The following CACNA1I variants were observed in gnomAD, a reference collection of about 807,000 sequenced individuals.
CACNA1I encodes the protein voltage-dependent T-type calcium channel subunit alpha-1I.
CACNA1I carries 74 observed loss-of-function variants against 201.6 expected under a neutral mutation model. The observed-to-expected ratio is 0.37, with a 90% CI of 0.30 to 0.45. CACNA1I has a LOEUF of 0.45. Among genes scored for constraint, CACNA1I ranks in the 20% least tolerant of loss-of-function variants. CACNA1I has a pLI of 1.00. For synonymous variants in CACNA1I, 1,431 were observed against 1,345.2 expected (o/e 1.06, Z -1.40); for missense variants, 2,346 against 3,138.1 (o/e 0.75, Z 6.03).
rs977487650 is a variant in CACNA1I, at chr22:39,613,591, C to T, written c.483-5719C>T. Among the ~76,000 whole-genome samples, 4 of 152,336 alleles carry T rather than the reference C, an allele frequency of 2.6e-5. No individual in the cohort carries two copies. The East Asian group carries it at 5.8e-4, about 22-fold the overall frequency. On this transcript the variant is annotated intron_variant, in intron 3 of 36. Coordinates refer to ENST00000402142, the MANE Select transcript of CACNA1I (RefSeq NM_021096.4). ...CCAAAGTCACATGGGACACAAGCAGCGAGCTGGGATTGGAACCCAGCTCTG... is the reference window on the plus strand; with the variant it reads ...CCAAAGTCACATGGGACACAAGCAGTGAGCTGGGATTGGAACCCAGCTCTG...
At chr22:39,596,895 A>G (rs1932905852) in intron 1 of CACNA1I, among the ~76,000 whole-genome samples, 1 of 152,122 alleles carries the variant, frequency 6.6e-6, no homozygotes, top group Admixed American at 6.5e-5. Flanking sequence ...TTACTGCATG[A>G]GAGCCCCTTT....
Position 39,600,071 on chromosome 22 carries a change from T to C in CACNA1I, c.349-449T>C, listed in dbSNP as rs116658024. 3.7e-3 allele frequency among the ~76,000 whole-genome samples: 564 copies of C among 152,304 alleles called. 4 individuals are homozygous for C. Among genetic ancestry groups the C allele is most frequent in the African/African-American group, 0.013 (550 of 41,544 alleles). On this transcript the variant is annotated intron_variant, in intron 2 of 36. Transcript: ENST00000402142. Reference sequence around the variant, plus strand: ...TGCCACTTATCTGCTGTGTGACCTGTGGGGCAAGTTGCTTAACCTCTCTGA... The same window carrying C: ...TGCCACTTATCTGCTGTGTGACCTGCGGGGCAAGTTGCTTAACCTCTCTGA...
At chr22:39,642,693 G>C in intron 6 of CACNA1I, 104 bp from the exon 7 acceptor site, 1 of 723,818 alleles carries the variant, frequency 1.4e-6, no homozygotes, top group South Asian at 1.6e-5. Context: ...CAGCATGTGT[G>C]ATGCGTTCTG....
chr22:39,647,025 C>A, intron 8 of CACNA1I, 144 bp downstream of exon 8: 1 of 1,305,504 alleles, frequency 7.7e-7, no homozygotes, highest in Non-Finnish European at 1.0e-6. Flanking sequence ...CCCCAGGGAC[C>A]TCTGTCCCCA....
At chr22:39,632,137 C>G (rs1414322460) in intron 4 of CACNA1I, among the ~76,000 whole-genome samples, 2 of 152,158 alleles carry the variant, frequency 1.3e-5, no homozygotes, top group Admixed American at 6.5e-5. Flanking sequence ...GCGACAAAGG[C>G]CGGCCCGAGG....
intron 31 of CACNA1I, among the ~76,000 whole-genome samples, chr22:39,678,537 C>G (rs184730514): frequency 8.8e-4 from 134 of 152,262 alleles, no homozygotes; most frequent in African/African-American, 3.2e-3. Context: ...GGTAAGGCCT[C>G]GGTTCCGGGG....
In CACNA1I at chr22:39,659,928, G is replaced by C. The variant is rs866830165; in HGVS notation, c.2604+76G>C. ...TGGGCGAGGGAGAGGTGGCCTGGATGGGGGAGGGCTGCAATTCAAACTTCT... is the reference window on the plus strand; with the variant it reads ...TGGGCGAGGGAGAGGTGGCCTGGATCGGGGAGGGCTGCAATTCAAACTTCT... On this transcript the variant is annotated intron_variant, in intron 14 of 36. Transcript: ENST00000402142. The surrounding 1 kb of genome is among the most constrained non-coding windows in gnomAD (Gnocchi z 4.3). 1.5e-5 allele frequency: 24 copies of C among 1,555,352 alleles called. 1 individual carries two copies. The highest frequency in any genetic ancestry group is 3.4e-4 in the Middle Eastern group (2 of 5,908).
In CACNA1I at chr22:39,685,767, G is replaced by A. The variant is rs1273247548; in HGVS notation, c.6034G>A (p.Gly2012Arg). The A allele has an allele frequency of 6.7e-7, 1 of 1,485,418 alleles. No homozygotes were observed. Among genetic ancestry groups the A allele is most frequent in the South Asian group, 1.3e-5 (1 of 78,854 alleles). The allele number at this position is 1,485,418 out of a possible 1,614,324, so 92.0% of individuals were successfully genotyped here. ...VNCTLLRQAT[G>R]SDTSLDASPS... The stretch of plus-strand genomic sequence containing the variant: ...GGCTCCCACCTCCCCCCAGGCCACC[G>A]GGAGCGACACGTCGCTGGACGCCAG... The change falls in exon 37 of 37, where the codon GGG becomes AGG. Residue 2012 changes from glycine (G) to arginine (R), a missense_variant. Around this residue, in one of 13 missense-constraint regions of CACNA1I, gnomAD observed 441 missense variants for 555.6 expected, o/e 0.79. Transcript: ENST00000402142. The surrounding 1 kb of genome is among the most constrained non-coding windows in gnomAD (Gnocchi z 5.0).
At chr22:39,621,985 G>C (rs1933756216) in intron 4 of CACNA1I, among the ~76,000 whole-genome samples, 1 of 152,208 alleles carries the variant, frequency 6.6e-6, no homozygotes, top group South Asian at 2.1e-4. Context: ...AAGGTCCAGA[G>C]AGGGTCGTGG....
At chr22:39,651,396 A>G (rs1225363111) in intron 10 of CACNA1I, among the ~76,000 whole-genome samples, 2 of 152,194 alleles carry the variant, frequency 1.3e-5, no homozygotes, top group Non-Finnish European at 1.5e-5. Flanking sequence ...GGCTGCCATG[A>G]CACTCTGTTC....
intron 4 of CACNA1I, among the ~76,000 whole-genome samples, chr22:39,620,275 C>CCATA (rs1034116517): frequency 0.024 from 1,053 of 44,438 alleles, 13 homozygotes; most frequent in African/African-American, 0.064. Flanking sequence ...ATCCATCCAT[C>CCATA]CATACGTACA....
At chr22:39,593,025 C>T (rs1307453780) in intron 1 of CACNA1I, among the ~76,000 whole-genome samples, 1 of 152,234 alleles carries the variant, frequency 6.6e-6, no homozygotes, top group Non-Finnish European at 1.5e-5. Context: ...CCAAGCTTTG[C>T]CATCTGGGAT....
chr22:39,633,086 T>C (rs1024167572), intron 4 of CACNA1I, among the ~76,000 whole-genome samples: 4 of 152,058 alleles, frequency 2.6e-5, no homozygotes, highest in African/African-American at 9.7e-5. Flanking sequence ...ACCCCTAGCA[T>C]ACACAACCAT....
intron 15 of CACNA1I, 82 bp from the exon 16 acceptor site, chr22:39,661,026 T>G: frequency 1.8e-6 from 2 of 1,114,016 alleles, no homozygotes; most frequent in Non-Finnish European, 2.7e-6. Context: ...CCTTCCTTGT[T>G]TGTCTGTCTC....
At chr22:39,644,866 T>C (rs1178867001) in intron 7 of CACNA1I, among the ~76,000 whole-genome samples, 1 of 151,902 alleles carries the variant, frequency 6.6e-6, no homozygotes, top group African/African-American at 2.4e-5. Flanking sequence ...GTTTAAATTT[T>C]TTTTTGAGAC....
chr22:39,579,224 A>C (rs1932467616), intron 1 of CACNA1I, among the ~76,000 whole-genome samples: 1 of 152,210 alleles, frequency 6.6e-6, no homozygotes, highest in Admixed American at 6.5e-5. Flanking sequence ...ATGACCCATC[A>C]GACTCTCTGA....
At chr22:39,627,005 A>G (rs116047974) in intron 4 of CACNA1I, among the ~76,000 whole-genome samples, 4,776 of 152,266 alleles carry the variant, frequency 0.031, 105 homozygotes, top group African/African-American at 0.064. Flanking sequence ...TCTGCCCAAG[A>G]CCACACAGCT....
At chr22:39,618,499 G>A (rs1233827330) in intron 3 of CACNA1I, among the ~76,000 whole-genome samples, 1 of 152,126 alleles carries the variant, frequency 6.6e-6, no homozygotes, top group African/African-American at 2.4e-5. Context: ...TCCAGCGGGT[G>A]GGGGATGGAT....
At chr22:39,578,729 G>A (rs565510281) in intron 1 of CACNA1I, among the ~76,000 whole-genome samples, 7 of 152,224 alleles carry the variant, frequency 4.6e-5, no homozygotes, top group South Asian at 2.1e-4. Context: ...CTCACTCCCC[G>A]TAGCTCCTGG....
Sources: gnomAD v4.1 joint callset for allele counts (sites outside exome capture counted in the v4.1 genomes callset) on GRCh38, gnomAD v4.1.1 for gene constraint, gnomAD v4.1.1 regional missense constraint, Gnocchi (gnomAD v3.1) non-coding constraint, MANE v1.5 for transcripts, NCBI Gene and HGNC (gene_info 2026-07-23, HGNC 2026-07-21) for gene names.